Variants in CIITA observed in about 807,000 individuals in gnomAD.
The protein encoded by CIITA is MHC class II transactivator.
CIITA carries 72 observed loss-of-function variants against 115.1 expected under a neutral mutation model. The observed-to-expected ratio is 0.63, with a 90% CI of 0.52 to 0.76. CIITA has a LOEUF of 0.76. CIITA is among the 30% of genes least tolerant of loss of function. The probability of loss-of-function intolerance (pLI) is 0.00; values close to 1 mark genes in which losing one functional copy is unlikely to be tolerated. For synonymous variants in CIITA, 763 were observed against 635.6 expected (o/e 1.20, Z -3.02); for missense variants, 1,617 against 1,463.8 (o/e 1.10, Z -1.71).
At chr16:10,878,296 T>C (rs2036041648) in intron 1 of CIITA, among the ~76,000 whole-genome samples, 1 of 152,100 alleles carries the variant, frequency 6.6e-6, no homozygotes, top group African/African-American at 2.4e-5. Context: ...TACGGGAAAG[T>C]GTTGGAGGGG....
rs73499497 is a variant in CIITA, at chr16:10,893,362, G to A, written c.53-1920G>A. On this transcript the variant is annotated intron_variant, in intron 1 of 19. Transcript: ENST00000324288. ...GCAGGAGCCTTAGAGCCACACAGAT[G>A]AGCCTTCAGCTTGGCTTTCCCCAGC... Among the ~76,000 whole-genome samples the A allele has an allele frequency of 7.2e-3, 1,102 of 152,300 alleles. 10 individuals carry two copies. Among genetic ancestry groups the A allele is most frequent in the African/African-American group, 0.024 (1,002 of 41,572 alleles).
Position 10,877,244 on chromosome 16 carries a change from C to T in CIITA, c.-87C>T. On this transcript the variant is annotated 5_prime_UTR_variant, in exon 1 of 20. Coordinates refer to ENST00000324288, the MANE Select transcript of CIITA (RefSeq NM_000246.4). ...TGAGGCTGTGTGCTTCTGAGCTGGGCATCCGAAGGCATCCTTGGGGAAGCT... is the reference window on the plus strand; with the variant it reads ...TGAGGCTGTGTGCTTCTGAGCTGGGTATCCGAAGGCATCCTTGGGGAAGCT... 8.4e-7 allele frequency: 1 copy of T among 1,192,908 alleles called. No individual in the cohort carries two copies. Among genetic ancestry groups the T allele is most frequent in the South Asian group, 1.3e-5 (1 of 77,738 alleles). The allele number at this position is 1,192,908 out of a possible 1,614,324, so 73.9% of individuals were successfully genotyped here.
Position 10,907,020 on chromosome 16 carries a change from T to C in CIITA, c.1528T>C (p.Phe510Leu). 6.2e-7 allele frequency: 1 copy of C among 1,609,106 alleles called. No individual in the cohort carries two copies. Among genetic ancestry groups the C allele is most frequent in the Non-Finnish European group, 8.5e-7 (1 of 1,179,814 alleles). The change falls in exon 11 of 20, where the codon TTC becomes CTC. Residue 510 changes from phenylalanine to leucine, a missense_variant. By Grantham distance (22) the Phe-to-Leu change is conservative. Coordinates refer to ENST00000324288, the MANE Select transcript of CIITA (RefSeq NM_000246.4). This position sits in a 1 kb window ranked among gnomAD's most constrained non-coding sequence, Gnocchi z 5.0. ...GFEELEAQDG[F>L]LHSTCGPAPA... Reference sequence around the variant, plus strand: ...CGAGGAGCTGGAAGCGCAAGATGGCTTCCTGCACAGCACGTGCGGACCGGC... The same window carrying C: ...CGAGGAGCTGGAAGCGCAAGATGGCCTCCTGCACAGCACGTGCGGACCGGC...
At chr16:10,867,243 CAA>C (rs34055460) in intron 1 of CIITA, among the ~76,000 whole-genome samples, 55 of 138,072 alleles carry the variant, frequency 4.0e-4, no homozygotes, top group African/African-American at 1.4e-3. Flanking sequence ...GACTCCATCT[CAA>C]AAAAAAAAAT....
chr16:10,899,091 T>G (rs1351983963), intron 5 of CIITA, 89 bp downstream of exon 5: 2 of 1,280,904 alleles, frequency 1.6e-6, no homozygotes, highest in African/African-American at 1.5e-5. Flanking sequence ...CCAACTTGCT[T>G]CCCTCGCTAA....
chr16:10,919,735 G>T (rs2040171707), intron 16 of CIITA, among the ~76,000 whole-genome samples: 1 of 152,050 alleles, frequency 6.6e-6, no homozygotes, highest in African/African-American at 2.4e-5. Flanking sequence ...TTCTTGCTAT[G>T]CAAAGAAACT....
Position 10,908,333 on chromosome 16 carries a change from C to T in CIITA, c.2657+184C>T, listed in dbSNP as rs1024184396. On this transcript the variant is annotated intron_variant, in intron 11 of 19. Transcript: ENST00000324288. ...CAGAGAGGGGCAGCCACTTGCCACA[C>T]AGCAAGTGAGAGGCAATGGCATTCT... 25 of 757,384 alleles carry T rather than the reference C, an allele frequency of 3.3e-5. No homozygotes were observed. In the African/African-American group the frequency reaches 4.3e-4, roughly 13 times the overall value. 46.9% of individuals were successfully genotyped at this position (757,384 alleles called of 1,614,324 possible). A position where few individuals can be genotyped will look rare whatever the true frequency, so the allele number is the denominator to read the frequency against.
At chr16:10,898,643 T>C (rs759126918) in intron 3 of CIITA, 27 bp from the exon 4 acceptor site, 172 of 1,595,380 alleles carry the variant, frequency 1.1e-4, no homozygotes, top group Admixed American at 6.2e-4. Flanking sequence ...CCTTGTTGAT[T>C]GACTGCGCTT....
intron 16 of CIITA, among the ~76,000 whole-genome samples, 153 bp downstream of exon 16, chr16:10,918,679 C>T (rs923482709): frequency 2.6e-5 from 4 of 152,218 alleles, no homozygotes; most frequent in Non-Finnish European, 5.9e-5. Flanking sequence ...GTGAAAGAAA[C>T]TCTGAGCAAG....
rs144503627 is a variant in CIITA, at chr16:10,882,084, G to C, written c.52+4702G>C. 5.3e-5 allele frequency among the ~76,000 whole-genome samples: 8 copies of C among 152,304 alleles called. No homozygotes were observed. The East Asian group carries it at 1.3e-3, about 26-fold the overall frequency. On this transcript the variant is annotated intron_variant, in intron 1 of 19. Transcript: ENST00000324288. ...TCATTTGTTGATAGACACTTGGGTT[G>C]TTCCTACCTCTTGACTATTGTGAAT...
At chr16:10,890,841 C>T (rs2037494104) in intron 1 of CIITA, among the ~76,000 whole-genome samples, 1 of 152,170 alleles carries the variant, frequency 6.6e-6, no homozygotes, top group African/African-American at 2.4e-5. Context: ...CTAAGGGCTC[C>T]GCGTGACTTA....
intron 1 of CIITA, among the ~76,000 whole-genome samples, chr16:10,870,209 G>T (rs2035388692): frequency 1.4e-5 from 2 of 139,856 alleles, no homozygotes; most frequent in Non-Finnish European, 3.0e-5. Context: ...TACTGCTTTA[G>T]CTTCCTCTTC....
intron 4 of CIITA, 56 bp downstream of exon 4, chr16:10,898,788 C>G: frequency 1.2e-6 from 2 of 1,607,474 alleles, no homozygotes; most frequent in Non-Finnish European, 1.7e-6. Flanking sequence ...CTGCCTTGTT[C>G]CCTGGGGGGT....
Position 10,928,063 on chromosome 16 carries a change from T to G in CIITA, c.*4208T>G, listed in dbSNP as rs2040606585. ...GCTCTCAAATGTCTTCTTTTCAGAT[T>G]TCGTAGCTTTTCTTTCTTTAGCATC... On this transcript the variant is annotated 3_prime_UTR_variant, in exon 20 of 20. Coordinates refer to ENST00000324288, the MANE Select transcript of CIITA (RefSeq NM_000246.4). 1 of 152,180 alleles carries G rather than the reference T, an allele frequency of 6.6e-6. No homozygotes were observed. The highest frequency in any genetic ancestry group is 2.4e-5 in the African/African-American group (1 of 41,414). The allele number at this position is 152,180 out of a possible 1,614,324, so 9.4% of individuals were successfully genotyped here.
chr16:10,903,489 C>T (rs2038927983), intron 8 of CIITA, among the ~76,000 whole-genome samples: 1 of 152,214 alleles, frequency 6.6e-6, no homozygotes, highest in Admixed American at 6.5e-5. Flanking sequence ...AGTACCTGCC[C>T]TAAGTTCCTT....
chr16:10,889,105 GAGA>G (rs1368806509), intron 1 of CIITA, among the ~76,000 whole-genome samples: 1 of 152,210 alleles, frequency 6.6e-6, no homozygotes, highest in African/African-American at 2.4e-5. Context: ...TGAGAGCTGG[GAGA>G]AGGTGAGCTA....
At position 10,907,811 on chromosome 16, in the gene CIITA, A is replaced by T; in HGVS notation, c.2319A>T (p.Leu773=). The T allele has an allele frequency of 6.2e-7, 1 of 1,613,876 alleles. No homozygotes were observed. The highest frequency in any genetic ancestry group is 8.5e-7 in the Non-Finnish European group (1 of 1,179,924). The stretch of plus-strand genomic sequence containing the variant: ...CTCCCGCCCGCTGCCTGGGAGCCCT[A>T]CTCGGGCCATCGGCGGCTGCCTCGG... ...FQPPARCLGA[L]LGPSAAASVD... Residue 773 remains leucine, a synonymous_variant, in exon 11 of 20, where the codon CTA becomes CTT. Transcript: ENST00000324288. This position sits in a 1 kb window ranked among gnomAD's most constrained non-coding sequence, Gnocchi z 5.0.
At chr16:10,910,095 A>T in intron 12 of CIITA, 93 bp from the exon 13 acceptor site, 1 of 1,023,942 alleles carries the variant, frequency 9.8e-7, no homozygotes, top group Non-Finnish European at 1.5e-6. Context: ...CCCCTGGGGA[A>T]TTTGGGGCAC....
intron 1 of CIITA, among the ~76,000 whole-genome samples, chr16:10,887,587 C>T (rs2037089050): frequency 6.6e-6 from 1 of 151,910 alleles, no homozygotes; most frequent in Admixed American, 6.6e-5. Flanking sequence ...CCTCCGCCTC[C>T]CAGGTTCAAG....
Sources: allele counts gnomAD v4.1 joint callset (sites outside exome capture counted in the v4.1 genomes callset), GRCh38; gene constraint gnomAD v4.1.1; non-coding constraint Gnocchi (gnomAD v3.1); transcripts MANE v1.5; gene names NCBI Gene and HGNC (gene_info 2026-07-23, HGNC 2026-07-21).